HOXC8: variants seen among roughly 807,000 people sequenced by gnomAD.
HOXC8 encodes homeobox protein Hox-C8.
Under a neutral mutation model 25.8 loss-of-function variants are expected in HOXC8, and 14 were observed. The ratio of observed to expected loss-of-function variants is 0.54; its 90% CI spans 0.36 to 0.85. HOXC8 has a LOEUF of 0.85. HOXC8 is among the 40% of genes least tolerant of loss of function. HOXC8 has a pLI of 0.01. For missense variants in HOXC8, 316 were observed against 308.8 expected, an observed-to-expected ratio of 1.02 and a Z score of -0.17; for synonymous variants, 144 against 124.6, an observed-to-expected ratio of 1.16 and a Z score of -1.04.
rs1468734468 is a variant in HOXC8, at chr12:54,009,156, C to A, written c.-129C>A. 1 of 803,446 alleles carries A rather than the reference C, an allele frequency of 1.2e-6. No homozygotes were observed. The highest frequency in any genetic ancestry group is 2.0e-6 in the Non-Finnish European group (1 of 492,356). The allele number at this position is 803,446 out of a possible 1,614,324, so 49.8% of individuals were successfully genotyped here. A position where few individuals can be genotyped will look rare whatever the true frequency, so the allele number is the denominator to read the frequency against. On this transcript the variant is annotated 5_prime_UTR_variant, in exon 1 of 2. Coordinates refer to ENST00000040584, the MANE Select transcript of HOXC8 (RefSeq NM_022658.4). The surrounding 1 kb of genome is among the most constrained non-coding windows in gnomAD (Gnocchi z 5.0). ...CCAACCTGCCCAGCCCCCAGCCCAC[C>A]AGCCCAGCCCAGTCCCGGGGAGCCA... is the stretch of plus-strand genomic sequence containing the variant.
chr12:54,009,467 C>A lies in HOXC8; in HGVS notation c.183C>A (p.His61Gln), dbSNP rs1339763555. ...CGCACCACGTTCAAGACTTCTTCCA[C>A]CACGGCACCTCCGGCATCTCCAACT... ...HASHHVQDFF[H>Q]HGTSGISNSG... The change falls in exon 1 of 2, where the codon CAC (histidine) becomes CAA (glutamine). Residue 61 changes from histidine (H) to glutamine (Q), a missense_variant. Transcript: ENST00000040584. The surrounding 1 kb of genome is among the most constrained non-coding windows in gnomAD (Gnocchi z 5.0). 6.2e-7 allele frequency: 1 copy of A among 1,614,196 alleles called. No individual in the cohort carries two copies. The highest frequency in any genetic ancestry group is 1.7e-5 in the Admixed American group (1 of 60,024).
Position 54,011,178 on chromosome 12 carries a change from C to A in HOXC8, c.526C>A (p.Arg176=), listed in dbSNP as rs1939984440. 2 of 1,613,886 alleles carry A rather than the reference C, an allele frequency of 1.2e-6. No individual in the cohort carries two copies. The highest frequency in any genetic ancestry group is 2.2e-5 in the South Asian group (2 of 91,078). Residue 176 remains arginine (R), a synonymous_variant, in exon 2 of 2, where the codon CGA becomes AGA. Transcript: ENST00000040584. The stretch of plus-strand genomic sequence containing the variant: ...GTTTCTCTTTAATCCTTATTTGACA[C>A]GAAAACGTCGGATTGAAGTCTCTCA... The part of the protein sequence containing the change: ...KEFLFNPYLT[R]KRRIEVSHAL...
chr12:54,009,598 A>G lies in HOXC8; in HGVS notation c.314A>G (p.Glu105Gly), dbSNP rs766171614. 5 of 1,614,216 alleles carry G rather than the reference A, an allele frequency of 3.1e-6. No individual in the cohort carries two copies. The South Asian group carries it at 3.3e-5, about 11-fold the overall frequency. Residue 105 changes from glutamate (E) to glycine (G), a missense_variant, in exon 1 of 2, where the codon GAG (glutamate) becomes GGG (glycine). Transcript: ENST00000040584. This position sits in a 1 kb window ranked among gnomAD's most constrained non-coding sequence, Gnocchi z 5.0. Reference sequence around the variant, plus strand: ...CAGTCCCTTTATGGGGCTCAGCAAGAGGCGAGCGTGGTGCAATATCCCGAC... The same window carrying G: ...CAGTCCCTTTATGGGGCTCAGCAAGGGGCGAGCGTGGTGCAATATCCCGAC... Reference protein sequence around the residue: ...PRQSLYGAQQEASVVQYPDCK... With the variant: ...PRQSLYGAQQGASVVQYPDCK...
In HOXC8 at chr12:54,011,327, A is replaced by C. The variant is rs772989276; in HGVS notation, c.675A>C (p.Glu225Asp). ...GAGATGAGGAGAAGGTGGAGGAAGA[A>C]GGAAATGAGGAAGAGGAGAAAGAAG... ...GARDEEKVEE[E>D]GNEEEEKEEE... The change falls in exon 2 of 2, where the codon GAA becomes GAC. Residue 225 changes from glutamate (E) to aspartate (D), a missense_variant. By Grantham distance (45) the Glu-to-Asp change is conservative. Coordinates refer to ENST00000040584, the MANE Select transcript of HOXC8 (RefSeq NM_022658.4). The C allele has an allele frequency of 7.2e-6, 11 of 1,525,784 alleles. No individual in the cohort carries two copies. The highest frequency in any genetic ancestry group is 9.6e-6 in the Non-Finnish European group (11 of 1,142,432). The allele number at this position is 1,525,784 out of a possible 1,614,324, so 94.5% of individuals were successfully genotyped here.
Position 54,012,487 on chromosome 12 carries a change from C to G in HOXC8, c.*1106C>G, listed in dbSNP as rs902340354. The stretch of plus-strand genomic sequence containing the variant: ...TAAGAAAACCCAACAACTGAGACTG[C>G]CTAGCCCGCCGGTCCTGTGCGCTTT... On this transcript the variant is annotated 3_prime_UTR_variant, in exon 2 of 2. Coordinates refer to ENST00000040584, the MANE Select transcript of HOXC8 (RefSeq NM_022658.4). 6 of 152,478 alleles carry G rather than the reference C, an allele frequency of 3.9e-5. No individual in the cohort carries two copies. The highest frequency in any genetic ancestry group is 9.7e-5 in the African/African-American group (4 of 41,412). 9.4% of individuals were successfully genotyped at this position (152,478 alleles called of 1,614,324 possible).
Position 54,011,621 on chromosome 12 carries a change from C to G in HOXC8, c.*240C>G, listed in dbSNP as rs1234810627. 8.7e-6 allele frequency: 3 copies of G among 345,888 alleles called. No individual in the cohort carries two copies. The highest frequency in any genetic ancestry group is 1.6e-5 in the Non-Finnish European group (3 of 192,084). The allele number at this position is 345,888 out of a possible 1,614,324, so 21.4% of individuals were successfully genotyped here. A position where few individuals can be genotyped will look rare whatever the true frequency, so the allele number is the denominator to read the frequency against. On this transcript the variant is annotated 3_prime_UTR_variant, in exon 2 of 2. Transcript: ENST00000040584. ...GGAGAAACAGTGAAAAGTTCGGACT[C>G]TCTGTCTCACTCCTTGCCCCACACA... is the stretch of plus-strand genomic sequence containing the variant.
Position 54,012,479 on chromosome 12 carries a change from T to G in HOXC8, c.*1098T>G, listed in dbSNP as rs1940020255. The G allele has an allele frequency of 1.3e-5, 2 of 152,468 alleles. No individual in the cohort carries two copies. The highest frequency in any genetic ancestry group is 4.8e-5 in the African/African-American group (2 of 41,440). 9.4% of individuals were successfully genotyped at this position (152,468 alleles called of 1,614,324 possible). ...TATTTCACTAAGAAAACCCAACAACTGAGACTGCCTAGCCCGCCGGTCCTG... is the reference window on the plus strand; with the variant it reads ...TATTTCACTAAGAAAACCCAACAACGGAGACTGCCTAGCCCGCCGGTCCTG... On this transcript the variant is annotated 3_prime_UTR_variant, in exon 2 of 2. Transcript: ENST00000040584.
Position 54,009,424 on chromosome 12 carries a change from C to T in HOXC8, c.140C>T (p.Pro47Leu), listed in dbSNP as rs754576609. Residue 47 changes from proline (P) to leucine (L), a missense_variant, in exon 1 of 2, where the codon CCC becomes CTC. By Grantham distance (98) the Pro-to-Leu change is moderately conservative. Transcript: ENST00000040584. This position sits in a 1 kb window ranked among gnomAD's most constrained non-coding sequence, Gnocchi z 5.0. ...ALVYGPGGSA[P>L]GFQHASHHVQ... ...GTGTACGGGCCCGGCGGCTCGGCGCCCGGCTTCCAGCACGCTTCGCACCAC... is the reference window on the plus strand; with the variant it reads ...GTGTACGGGCCCGGCGGCTCGGCGCTCGGCTTCCAGCACGCTTCGCACCAC... 6.2e-7 allele frequency: 1 copy of T among 1,614,104 alleles called. No homozygotes were observed. Among genetic ancestry groups the T allele is most frequent in the Non-Finnish European group, 8.5e-7 (1 of 1,180,000 alleles).
rs1940010681 is a variant in HOXC8, at chr12:54,012,179, C to T, written c.*798C>T. 6.6e-6 allele frequency: 1 copy of T among 152,432 alleles called. No homozygotes were observed. Among genetic ancestry groups the T allele is most frequent in the African/African-American group, 2.4e-5 (1 of 41,362 alleles). 9.4% of individuals were successfully genotyped at this position (152,432 alleles called of 1,614,324 possible). A position where few individuals can be genotyped will look rare whatever the true frequency, so the allele number is the denominator to read the frequency against. On this transcript the variant is annotated 3_prime_UTR_variant, in exon 2 of 2. Coordinates refer to ENST00000040584, the MANE Select transcript of HOXC8 (RefSeq NM_022658.4). ...TCTGTTGGGCCCGCCTTCCTCTGAG[C>T]TGCATTAGTGTTAGTGCTCAGAAAT...
rs1939917382 is a variant in HOXC8 at position 54,009,045 on chromosome 12, C to CCCGCTCG, written c.-235_-229dup. 1 of 148,944 alleles carries CCCGCTCG rather than the reference C, an allele frequency of 6.7e-6. No homozygotes were observed. Among genetic ancestry groups the CCCGCTCG allele is most frequent in the African/African-American group, 2.5e-5 (1 of 39,630 alleles). 9.2% of individuals were successfully genotyped at this position (148,944 alleles called of 1,614,324 possible). On this transcript the variant is annotated 5_prime_UTR_variant, in exon 1 of 2. Transcript: ENST00000040584. This position sits in a 1 kb window ranked among gnomAD's most constrained non-coding sequence, Gnocchi z 5.0. Reference sequence around the variant, plus strand: ...AGGAGCGCCGCCGCCGCCGCCGCCGCCCGCTCGCCGCCCGCCGCCGCCGCC... The same window carrying CCCGCTCG: ...AGGAGCGCCGCCGCCGCCGCCGCCGCCCGCTCGCCGCTCGCCGCCCGCCGCCGCCGCC...
chr12:54,011,280 A>G lies in HOXC8; in HGVS notation c.628A>G (p.Lys210Glu). The G allele has an allele frequency of 6.3e-7, 1 of 1,595,006 alleles. No homozygotes were observed. Among genetic ancestry groups the G allele is most frequent in the Non-Finnish European group, 8.5e-7 (1 of 1,170,942 alleles). Residue 210 changes from lysine to glutamate, a missense_variant, in exon 2 of 2, where the codon AAG becomes GAG. Physicochemically the swap from Lys to Glu is moderately conservative, Grantham distance 56. Coordinates refer to ENST00000040584, the MANE Select transcript of HOXC8 (RefSeq NM_022658.4). ...GATGAAGTGGAAAAAGGAGAACAAC[A>G]AGGATAAACTGCCGGGAGCCCGAGA... The part of the protein sequence containing the change: ...RRMKWKKENN[K>E]DKLPGARDEE...
In HOXC8 at chr12:54,009,955, G is replaced by A. The variant is rs1355493761; in HGVS notation, c.436+235G>A. On this transcript the variant is annotated intron_variant, in intron 1 of 1. Transcript: ENST00000040584. This position sits in a 1 kb window ranked among gnomAD's most constrained non-coding sequence, Gnocchi z 5.0. Reference sequence around the variant, plus strand: ...TTGGGGTGAAGGTGAGAGAAAGCTGGTGTGTGGCCGCAAAGGGTTAAAAAT... The same window carrying A: ...TTGGGGTGAAGGTGAGAGAAAGCTGATGTGTGGCCGCAAAGGGTTAAAAAT... Among the ~76,000 whole-genome samples the A allele has an allele frequency of 6.6e-6, 1 of 152,200 alleles. No homozygotes were observed. The highest frequency in any genetic ancestry group is 1.5e-5 in the Non-Finnish European group (1 of 68,032).
Position 54,009,870 on chromosome 12 carries a change from G to C in HOXC8, c.436+150G>C, listed in dbSNP as rs1939946359. On this transcript the variant is annotated intron_variant, in intron 1 of 1. Transcript: ENST00000040584. This position sits in a 1 kb window ranked among gnomAD's most constrained non-coding sequence, Gnocchi z 5.0. ...GTGCCTGTGCCTGGGTGGTTTTCTCGAAGTTGGGAAGGCTCCGCTGGGGCG... is the reference window on the plus strand; with the variant it reads ...GTGCCTGTGCCTGGGTGGTTTTCTCCAAGTTGGGAAGGCTCCGCTGGGGCG... 1.4e-6 allele frequency: 1 copy of C among 693,876 alleles called. No individual in the cohort carries two copies. Among genetic ancestry groups the C allele is most frequent in the Non-Finnish European group, 2.4e-6 (1 of 413,250 alleles). 43.0% of individuals were successfully genotyped at this position (693,876 alleles called of 1,614,324 possible). A position where few individuals can be genotyped will look rare whatever the true frequency, so the allele number is the denominator to read the frequency against.
In HOXC8 at chr12:54,009,511, C is replaced by T. The variant is rs767598337; in HGVS notation, c.227C>T (p.Pro76Leu). The change falls in exon 1 of 2, where the codon CCG becomes CTG. Residue 76 changes from proline (P) to leucine (L), a missense_variant. By Grantham distance (98) the Pro-to-Leu change is moderately conservative. Coordinates refer to ENST00000040584, the MANE Select transcript of HOXC8 (RefSeq NM_022658.4). This position sits in a 1 kb window ranked among gnomAD's most constrained non-coding sequence, Gnocchi z 5.0. ...GISNSGYQQN[P>L]CSLSCHGDAS... ...TCCAACTCAGGCTACCAGCAGAACC[C>T]GTGCTCGCTTAGCTGCCACGGAGAC... 1.8e-5 allele frequency: 29 copies of T among 1,614,096 alleles called. No individual in the cohort carries two copies. Among genetic ancestry groups the T allele is most frequent in the Non-Finnish European group, 2.3e-5 (27 of 1,180,032 alleles).
At position 54,011,105 on chromosome 12, in the gene HOXC8, T is replaced by C. The variant is rs746090238; in HGVS notation, c.453T>C (p.Ser151=). The change falls in exon 2 of 2, where the codon AGT becomes AGC. Residue 151 remains serine (S), a synonymous_variant. Coordinates refer to ENST00000040584, the MANE Select transcript of HOXC8 (RefSeq NM_022658.4). ...WMRPHAPGRR[S]GRQTYSRYQT... ...TCTGTCCAGCTCCGGGGAGGCGCAG[T>C]GGACGGCAAACTTACAGCCGGTATC... is the stretch of plus-strand genomic sequence containing the variant. 14 of 1,613,892 alleles carry C rather than the reference T, an allele frequency of 8.7e-6. No homozygotes were observed. The highest frequency in any genetic ancestry group is 1.6e-4 in the Middle Eastern group (1 of 6,082).
Position 54,009,413 on chromosome 12 carries a change from C to A in HOXC8, c.129C>A (p.Gly43=), listed in dbSNP as rs750169995. The change falls in exon 1 of 2, where the codon GGC becomes GGA. Residue 43 remains glycine, a synonymous_variant. Coordinates refer to ENST00000040584, the MANE Select transcript of HOXC8 (RefSeq NM_022658.4). This position sits in a 1 kb window ranked among gnomAD's most constrained non-coding sequence, Gnocchi z 5.0. The stretch of plus-strand genomic sequence containing the variant: ...GCCATGCGCTGGTGTACGGGCCCGG[C>A]GGCTCGGCGCCCGGCTTCCAGCACG... The part of the protein sequence containing the change: ...GRSHALVYGP[G]GSAPGFQHAS... The A allele has an allele frequency of 6.8e-6, 11 of 1,613,936 alleles. No homozygotes were observed. The highest frequency in any genetic ancestry group is 9.3e-6 in the Non-Finnish European group (11 of 1,179,990).
Position 54,009,213 on chromosome 12 carries a change from G to A in HOXC8, c.-72G>A. 1 of 1,287,490 alleles carries A rather than the reference G, an allele frequency of 7.8e-7. No homozygotes were observed. Among genetic ancestry groups the A allele is most frequent in the Non-Finnish European group, 1.1e-6 (1 of 923,594 alleles). The allele number at this position is 1,287,490 out of a possible 1,614,324, so 79.8% of individuals were successfully genotyped here. On this transcript the variant is annotated 5_prime_UTR_variant, in exon 1 of 2. Transcript: ENST00000040584. The surrounding 1 kb of genome is among the most constrained non-coding windows in gnomAD (Gnocchi z 5.0). ...CTGGGGTTCGGTCCCGGGGGGAGGG[G>A]AGTTTCGGGGGTACTGGGCGGGGTA...
chr12:54,011,234 G>A lies in HOXC8; in HGVS notation c.582G>A (p.Lys194=), dbSNP rs1939985858. 3.1e-6 allele frequency: 5 copies of A among 1,613,242 alleles called. No homozygotes were observed. In the Admixed American group the frequency reaches 5.0e-5, roughly 16 times the overall value. The change falls in exon 2 of 2, where the codon AAG becomes AAA. Residue 194 remains lysine, a synonymous_variant. Transcript: ENST00000040584. ...TGGGACTGACCGAGAGACAAGTGAAGATCTGGTTCCAGAACCGAAGGATGA... is the reference window on the plus strand; with the variant it reads ...TGGGACTGACCGAGAGACAAGTGAAAATCTGGTTCCAGAACCGAAGGATGA... ...HALGLTERQV[K]IWFQNRRMKW...
At chr12:54,010,310 C>T (rs553733495) in intron 1 of HOXC8, among the ~76,000 whole-genome samples, 3 of 152,132 alleles carry the variant, frequency 2.0e-5, no homozygotes, top group Non-Finnish European at 4.4e-5. Context: ...TTTATACTTC[C>T]CCCAGTTGGG....
Sources: gnomAD v4.1 joint callset for allele counts (sites outside exome capture counted in the v4.1 genomes callset) on GRCh38, gnomAD v4.1.1 for gene constraint, Gnocchi (gnomAD v3.1) non-coding constraint, MANE v1.5 for transcripts, NCBI Gene and HGNC (gene_info 2026-07-23, HGNC 2026-07-21) for gene names.